The following EBF3 variants were observed in gnomAD, a reference collection of about 807,000 sequenced individuals.
The protein encoded by EBF3 is transcription factor COE3.
In EBF3, 18 loss-of-function variants were observed where a neutral mutation model predicts 77.1. The observed-to-expected ratio is 0.23, with a 90% CI of 0.16 to 0.35. The LOEUF is 0.35. EBF3 is among the 10% of genes least tolerant of loss of function. The pLI is 1.00. For missense variants in EBF3, 558 were observed against 860.0 expected (o/e 0.65, Z 4.39); for synonymous variants, 350 against 343.5 (o/e 1.02, Z -0.21).
rs2133954289 is a variant in EBF3 at position 129,842,564 on chromosome 10, G to GA, written c.1195-272dup. 6.6e-6 allele frequency among the ~76,000 whole-genome samples: 1 copy of GA among 152,284 alleles called. No individual in the cohort carries two copies. Among genetic ancestry groups the GA allele is most frequent in the South Asian group, 2.1e-4 (1 of 4,820 alleles). ...GGATCATCTGAGGTCAGGAGTTCAA[G>GA]ACCAGCCTGGCCAACATGGCGAAAT... On this transcript the variant is annotated intron_variant, in intron 12 of 16. Transcript: ENST00000440978. The surrounding 1 kb of genome is among the most constrained non-coding windows in gnomAD (Gnocchi z 4.4).
intron 6 of EBF3, among the ~76,000 whole-genome samples, chr10:129,953,406 A>G (rs1262621042): frequency 6.9e-6 from 1 of 144,406 alleles, no homozygotes; most frequent in East Asian, 2.2e-4. Flanking sequence ...CCCCTCTTCA[A>G]CCCCCACCAA....
chr10:129,904,627 A>AATGGATGGATGG (rs34613166), intron 6 of EBF3, among the ~76,000 whole-genome samples: 232 of 149,822 alleles, frequency 1.5e-3, no homozygotes, highest in Non-Finnish European at 2.7e-3. Context: ...TGGATGGACA[A>AATGGATGGATGG]ATGGATGGAT....
chr10:129,848,578 C>T lies in EBF3; in HGVS notation c.1040-98G>A. The T allele has an allele frequency of 7.9e-7, 1 of 1,270,826 alleles. No homozygotes were observed. Among genetic ancestry groups the T allele is most frequent in the Non-Finnish European group, 1.1e-6 (1 of 870,438 alleles). 78.7% of individuals were successfully genotyped at this position (1,270,826 alleles called of 1,614,324 possible). ...TACAAATAAATGTGTAGTTCTCCTG[C>T]TCTGATGCTCTCTAAGGCAAGCACC... is the stretch of plus-strand genomic sequence containing the variant. On this transcript the variant is annotated intron_variant, in intron 10 of 16. Coordinates refer to ENST00000440978, the MANE Select transcript of EBF3 (RefSeq NM_001375380.1). This position sits in a 1 kb window ranked among gnomAD's most constrained non-coding sequence, Gnocchi z 4.4.
chr10:129,926,741 C>T (rs745814243), intron 6 of EBF3, among the ~76,000 whole-genome samples: 2 of 152,118 alleles, frequency 1.3e-5, no homozygotes, highest in Admixed American at 1.3e-4. Flanking sequence ...CTCCAGGAAA[C>T]GAGGATGCCC....
intron 10 of EBF3, among the ~76,000 whole-genome samples, chr10:129,849,222 G>T (rs1391967235): frequency 6.6e-6 from 1 of 152,202 alleles, no homozygotes; most frequent in Non-Finnish European, 1.5e-5. Context: ...GAGCCATCGG[G>T]CTTTATTATG....
rs1564835873 is a variant in EBF3, at chr10:129,863,196, G to A, written c.1039+3945C>T. Among the ~76,000 whole-genome samples, 1 of 152,128 alleles carries A rather than the reference G, an allele frequency of 6.6e-6. No individual in the cohort carries two copies. Among genetic ancestry groups the A allele is most frequent in the Admixed American group, 6.6e-5 (1 of 15,266 alleles). ...AAATTGTTCTCTCTCTCTAATTTCT[G>A]ACCTTCTTACAACAGGGTGAGGCAC... is the stretch of plus-strand genomic sequence containing the variant. On this transcript the variant is annotated intron_variant, in intron 10 of 16. Coordinates refer to ENST00000440978, the MANE Select transcript of EBF3 (RefSeq NM_001375380.1). The surrounding 1 kb of genome is among the most constrained non-coding windows in gnomAD (Gnocchi z 4.0).
At position 129,957,305 on chromosome 10, in the gene EBF3, A is replaced by G. The variant is rs758468642; in HGVS notation, c.507T>C (p.Ser169=). The G allele has an allele frequency of 2.1e-5, 33 of 1,609,726 alleles. No individual in the cohort carries two copies. The South Asian group carries it at 3.5e-4, about 17-fold the overall frequency. The stretch of plus-strand genomic sequence containing the variant: ...AGGGCGTTTCGTTTCTATTGCCACA[A>G]CTTTTCTTGTCACAGCACCGGCTGT... The part of the protein sequence containing the change: ...IMCSRCCDKK[S]CGNRNETPSD... Residue 169 remains serine (S), a synonymous_variant, in exon 6 of 17, where the codon AGT becomes AGC. Transcript: ENST00000440978.
At chr10:129,942,606 T>C (rs562453065) in intron 6 of EBF3, among the ~76,000 whole-genome samples, 35 of 152,086 alleles carry the variant, frequency 2.3e-4, no homozygotes, top group Admixed American at 5.2e-4. Flanking sequence ...CTGGGGAAAA[T>C]TGGGGACTAC....
rs772255512 is a variant in EBF3 at position 129,843,261 on chromosome 10, C to T, written c.1129-59G>A. ...GAGGAACCGGCCAGTTATCACTGCC[C>T]TTCAGTACCAGTTCCGTCTGCGGGT... On this transcript the variant is annotated intron_variant, in intron 11 of 16. Transcript: ENST00000440978. The T allele has an allele frequency of 1.9e-6, 3 of 1,542,170 alleles. No individual in the cohort carries two copies. In the Admixed American group the frequency reaches 5.7e-5, roughly 29 times the overall value.
intron 6 of EBF3, among the ~76,000 whole-genome samples, chr10:129,920,699 G>C (rs1008871926): frequency 6.6e-6 from 1 of 152,274 alleles, no homozygotes; most frequent in African/African-American, 2.4e-5. Flanking sequence ...CCCAGCCCAG[G>C]ACATCTCACA....
At chr10:129,925,097 T>C (rs1249407591) in intron 6 of EBF3, among the ~76,000 whole-genome samples, 1 of 151,970 alleles carries the variant, frequency 6.6e-6, no homozygotes, top group African/African-American at 2.4e-5. Flanking sequence ...TGTGTGTGTG[T>C]GTGTGTGCGT....
At chr10:129,877,922 C>T (rs747305975) in intron 6 of EBF3, 73 bp from the exon 7 acceptor site, 7 of 1,235,190 alleles carry the variant, frequency 5.7e-6, no homozygotes, top group Non-Finnish European at 8.0e-6. Flanking sequence ...AAAAGACACT[C>T]TTGCGCAGGG....
At chr10:129,890,952 T>C (rs951901668) in intron 6 of EBF3, among the ~76,000 whole-genome samples, 6 of 152,236 alleles carry the variant, frequency 3.9e-5, no homozygotes, top group Admixed American at 1.3e-4. Flanking sequence ...TGTTACTTGA[T>C]AGGCCACAAG....
rs763445340 is a variant in EBF3 at position 129,963,311 on chromosome 10, C to T, written c.291+56G>A. On this transcript the variant is annotated intron_variant, in intron 2 of 16. Coordinates refer to ENST00000440978, the MANE Select transcript of EBF3 (RefSeq NM_001375380.1). This position sits in a 1 kb window ranked among gnomAD's most constrained non-coding sequence, Gnocchi z 7.1. ...GCACTCGAACCCCCGCGCACCGGCA[C>T]CGCCTGCCTCCCGCTTCTAGAAAGA... 2.6e-6 allele frequency: 4 copies of T among 1,549,196 alleles called. No individual in the cohort carries two copies. The highest frequency in any genetic ancestry group is 1.9e-5 in the Admixed American group (1 of 51,478).
At chr10:129,898,775 G>T (rs1854571403) in intron 6 of EBF3, among the ~76,000 whole-genome samples, 1 of 152,152 alleles carries the variant, frequency 6.6e-6, no homozygotes, top group South Asian at 2.1e-4. Context: ...TGCCAAGCTG[G>T]TCCCAGCCTC....
At chr10:129,840,469 C>T (rs1015473973) in intron 14 of EBF3, 27 bp from the exon 15 acceptor site, 12 of 1,542,626 alleles carry the variant, frequency 7.8e-6, no homozygotes, top group East Asian at 2.5e-5. Context: ...ACGGTCAGCA[C>T]GCGCGGCCGC....
At chr10:129,838,024 ACGCGGG>A (rs1849724075) in intron 16 of EBF3, 64 bp from the exon 17 acceptor site, 1 of 1,589,468 alleles carries the variant, frequency 6.3e-7, no homozygotes, top group South Asian at 1.1e-5. Context: ...GCCAACGCTG[ACGCGGG>A]CGGGGCTGCC....
chr10:129,868,515 G>T (rs976034800), intron 8 of EBF3, among the ~76,000 whole-genome samples: 1 of 152,224 alleles, frequency 6.6e-6, no homozygotes, highest in African/African-American at 2.4e-5. Context: ...CCGCGCCGCT[G>T]GCGTGACCTC....
At position 129,963,306 on chromosome 10, in the gene EBF3, C is replaced by T. The variant is rs770176995; in HGVS notation, c.291+61G>A. ...GGGGGGCACTCGAACCCCCGCGCAC[C>T]GGCACCGCCTGCCTCCCGCTTCTAG... On this transcript the variant is annotated intron_variant, in intron 2 of 16. Transcript: ENST00000440978. This position sits in a 1 kb window ranked among gnomAD's most constrained non-coding sequence, Gnocchi z 7.1. The T allele has an allele frequency of 4.5e-6, 7 of 1,545,530 alleles. No individual in the cohort carries two copies. The highest frequency in any genetic ancestry group is 2.7e-5 in the East Asian group (1 of 37,576).
Sources: allele counts gnomAD v4.1 joint callset (sites outside exome capture counted in the v4.1 genomes callset), GRCh38; gene constraint gnomAD v4.1.1; non-coding constraint Gnocchi (gnomAD v3.1); transcripts MANE v1.5; gene names NCBI Gene and HGNC (gene_info 2026-07-23, HGNC 2026-07-21).